The following TMEM44 variants were observed in gnomAD, a reference collection of about 807,000 sequenced individuals.
TMEM44 encodes the protein transmembrane protein 44.
A neutral mutation model predicts 47.8 loss-of-function variants in TMEM44; 43 were observed. The ratio of observed to expected loss-of-function variants is 0.90; its 90% CI spans 0.70 to 1.16. The LOEUF (loss-of-function observed/expected upper bound fraction) is 1.16, where lower values mean the gene tolerates loss of function less well. TMEM44 is among the 50% of genes most tolerant of loss of function. The pLI, the probability that TMEM44 is intolerant of heterozygous loss-of-function variation, is 0.00. For synonymous variants in TMEM44, 277 were observed against 238.8 expected, an observed-to-expected ratio of 1.16 and a Z score of -1.48; for missense variants, 568 against 555.2, an observed-to-expected ratio of 1.02 and a Z score of -0.23.
At chr3:194,621,311 C>A (rs1395812123) in intron 5 of TMEM44, among the ~76,000 whole-genome samples, 1 of 152,194 alleles carries the variant, frequency 6.6e-6, no homozygotes, top group African/African-American at 2.4e-5. Flanking sequence ...CATGGCCCTG[C>A]CGGCACCTTG....
At chr3:194,623,119 A>G (rs578239174) in intron 5 of TMEM44, 105 bp downstream of exon 5, 1 of 1,078,132 alleles carries the variant, frequency 9.3e-7, no homozygotes, top group Non-Finnish European at 1.3e-6. Context: ...ATGTCCATGC[A>G]CCCACGGTGA....
In TMEM44 at chr3:194,611,032, A is replaced by T; in HGVS notation, c.913-12T>A. 1.2e-6 allele frequency: 2 copies of T among 1,609,834 alleles called. No homozygotes were observed. The highest frequency in any genetic ancestry group is 2.2e-5 in the South Asian group (2 of 90,756). On this transcript the variant is annotated splice_polypyrimidine_tract_variant and intron_variant, in intron 7 of 9. Transcript: ENST00000347147. The surrounding 1 kb of genome is among the most constrained non-coding windows in gnomAD (Gnocchi z 4.2). Reference sequence around the variant, plus strand: ...ACCCAATCCAAATTCTTGCAAGTAGAGGCAGGGAGACAGAAAGGGGAATTC... The same window carrying T: ...ACCCAATCCAAATTCTTGCAAGTAGTGGCAGGGAGACAGAAAGGGGAATTC...
intron 8 of TMEM44, among the ~76,000 whole-genome samples, chr3:194,605,703 G>T (rs1714703213): frequency 2.0e-5 from 3 of 152,116 alleles, no homozygotes; most frequent in African/African-American, 7.2e-5. Context: ...ATTTGCGTGG[G>T]GACACATCCA....
intron 5 of TMEM44, among the ~76,000 whole-genome samples, chr3:194,620,641 G>T (rs749284159): frequency 1.3e-5 from 2 of 152,162 alleles, no homozygotes; most frequent in Non-Finnish European, 2.9e-5. Context: ...AGAAAATAAA[G>T]CAGAGTGAGG....
chr3:194,632,452 G>C (rs985951088), intron 1 of TMEM44, among the ~76,000 whole-genome samples: 1 of 152,178 alleles, frequency 6.6e-6, no homozygotes, highest in Non-Finnish European at 1.5e-5. Context: ...TGAGGACCTG[G>C]AGATTCACTC....
intron 8 of TMEM44, among the ~76,000 whole-genome samples, chr3:194,608,556 G>A (rs7642318): frequency 2.6e-5 from 4 of 152,058 alleles, no homozygotes; most frequent in South Asian, 2.1e-4. Context: ...AAGGACAGAC[G>A]GGTCCTGCTT....
chr3:194,595,069 C>T (rs1241676460), intron 9 of TMEM44, among the ~76,000 whole-genome samples: 4 of 152,088 alleles, frequency 2.6e-5, no homozygotes, highest in African/African-American at 9.7e-5. Context: ...CATTATAGAA[C>T]ATTTTTCAAA....
At chr3:194,623,765 G>T in intron 3 of TMEM44, 70 bp from the exon 4 acceptor site, 1 of 1,591,092 alleles carries the variant, frequency 6.3e-7, no homozygotes, top group African/African-American at 1.3e-5. Flanking sequence ...AGCTGCGTGG[G>T]AAGAACTGGT....
chr3:194,588,766 G>C, intron 9 of TMEM44, 127 bp from the exon 10 acceptor site: 1 of 906,866 alleles, frequency 1.1e-6, no homozygotes, highest in South Asian at 1.6e-5. Flanking sequence ...AAGGACAAAA[G>C]GGTAAGGACA....
intron 9 of TMEM44, among the ~76,000 whole-genome samples, chr3:194,594,125 A>G (rs926938775): frequency 7.6e-5 from 7 of 91,716 alleles, no homozygotes; most frequent in East Asian, 6.7e-4. Context: ...TTTTCTATCT[A>G]TCTATCTATC....
chr3:194,588,552 C>T lies in TMEM44; in HGVS notation c.1264G>A (p.Ala422Thr), dbSNP rs1712147269. 1.2e-6 allele frequency: 2 copies of T among 1,614,146 alleles called. No individual in the cohort carries two copies. Among genetic ancestry groups the T allele is most frequent in the Non-Finnish European group, 8.5e-7 (1 of 1,180,004 alleles). Residue 422 changes from alanine to threonine, a missense_variant, in exon 10 of 10, where the codon GCA (alanine) becomes ACA (threonine). By Grantham distance (58) the Ala-to-Thr change is moderately conservative (BLOSUM62 0). Transcript: ENST00000347147. ...SQVHQDSVRT[A>T]HLSDDD ...TGTTAATCATCATCACTCAGGTGTG[C>T]TGTCCTCACAGAGTCCTGGTGCACC...
Position 194,617,287 on chromosome 3 carries a change from GGGGCT to G in TMEM44, c.613-23_613-19del. On this transcript the variant is annotated intron_variant, in intron 5 of 9. Transcript: ENST00000347147. Reference sequence around the variant, plus strand: ...CCCCGGCACTGGGCAGAGAGAGGGAGGGGCTGGGCGGGAGAAGCAGCAGATCACAA... The same window carrying G: ...CCCCGGCACTGGGCAGAGAGAGGGAGGGGCGGGAGAAGCAGCAGATCACAA... 6.8e-7 allele frequency: 1 copy of G among 1,479,774 alleles called. No homozygotes were observed. The highest frequency in any genetic ancestry group is 9.1e-7 in the Non-Finnish European group (1 of 1,102,716). The allele number at this position is 1,479,774 out of a possible 1,614,324, so 91.7% of individuals were successfully genotyped here. A position where few individuals can be genotyped will look rare whatever the true frequency, so the allele number is the denominator to read the frequency against.
chr3:194,616,787 C>T (rs752689275), intron 6 of TMEM44: 21 of 425,028 alleles, frequency 4.9e-5, no homozygotes, highest in Admixed American at 1.7e-4. Context: ...CCCAGCTACT[C>T]GGGAGGCTGA....
chr3:194,600,497 C>G (rs865828832), intron 9 of TMEM44, among the ~76,000 whole-genome samples: 28 of 151,776 alleles, frequency 1.8e-4, no homozygotes, highest in Middle Eastern at 3.4e-3. Context: ...GCCTGTAATC[C>G]CAGCACTTTG....
rs1716829356 is a variant in TMEM44 at position 194,623,642 on chromosome 3, C to T, written c.412G>A (p.Ala138Thr). 11 of 1,612,880 alleles carry T rather than the reference C, an allele frequency of 6.8e-6. No homozygotes were observed. In the African/African-American group the frequency reaches 9.3e-5, roughly 14 times the overall value. ...CCCAGGCTCAGCGGCAGGGCCAGGG[C>T]AAACACACTGGCCCTGAGCTGCCGC... is the stretch of plus-strand genomic sequence containing the variant. ...RRRQLRASVF[A>T]LALPLSLGPC... The change falls in exon 4 of 10, where the codon GCC becomes ACC. Residue 138 changes from alanine to threonine, a missense_variant. Transcript: ENST00000347147.
At chr3:194,616,525 C>T (rs757560337) in intron 6 of TMEM44, 26 of 454,242 alleles carry the variant, frequency 5.7e-5, no homozygotes, top group South Asian at 1.6e-4. Flanking sequence ...GAAATGTAAA[C>T]GACACTGCCA....
chr3:194,602,942 C>T (rs532809350), intron 9 of TMEM44, among the ~76,000 whole-genome samples: 1 of 152,350 alleles, frequency 6.6e-6, no homozygotes, highest in Non-Finnish European at 1.5e-5. Context: ...TCAACACCAA[C>T]TACTGCTTAC....
At chr3:194,599,717 T>A (rs1276418926) in intron 9 of TMEM44, among the ~76,000 whole-genome samples, 2 of 151,732 alleles carry the variant, frequency 1.3e-5, no homozygotes, top group Admixed American at 1.3e-4. Flanking sequence ...CCTGAGTAGC[T>A]GGGATTACAG....
At position 194,618,946 on chromosome 3, in the gene TMEM44, C is replaced by T. The variant is rs539103991; in HGVS notation, c.613-1677G>A. Among the ~76,000 whole-genome samples the T allele has an allele frequency of 7.0e-4, 106 of 152,326 alleles. No homozygotes were observed. In the South Asian group the frequency reaches 9.1e-3, roughly 13 times the overall value. On this transcript the variant is annotated intron_variant, in intron 5 of 9. Coordinates refer to ENST00000347147, the MANE Select transcript of TMEM44 (RefSeq NM_001011655.3). Reference sequence around the variant, plus strand: ...CCGGCTGGGAGGGTGAGCCCTGGCCCGCTGGGCCCAGAGGCTGAGGGTGGA... The same window carrying T: ...CCGGCTGGGAGGGTGAGCCCTGGCCTGCTGGGCCCAGAGGCTGAGGGTGGA...
Sources: gnomAD v4.1 joint callset for allele counts (sites outside exome capture counted in the v4.1 genomes callset) on GRCh38, gnomAD v4.1.1 for gene constraint, Gnocchi (gnomAD v3.1) non-coding constraint, MANE v1.5 for transcripts, NCBI Gene and HGNC (gene_info 2026-07-23, HGNC 2026-07-21) for gene names.